The following HS6ST3 variants were observed in gnomAD, a reference collection of about 807,000 sequenced individuals.
HS6ST3 encodes heparan-sulfate 6-O-sulfotransferase 3.
HS6ST3 carries 12 observed loss-of-function variants against 36.7 expected under a neutral mutation model. The ratio of observed to expected loss-of-function variants is 0.33; its 90% confidence interval spans 0.21 to 0.53. HS6ST3 has a LOEUF of 0.53. HS6ST3 is among the 20% of genes least tolerant of loss of function. The probability of loss-of-function intolerance (pLI) is 0.95; values close to 1 mark genes in which losing one functional copy is unlikely to be tolerated. For missense variants in HS6ST3, 584 were observed against 640.9 expected (o/e 0.91, Z 0.96); for synonymous variants, 240 against 257.5 (o/e 0.93, Z 0.65).
chr13:96,262,061 G>C (rs1241288032), intron 1 of HS6ST3, among the ~76,000 whole-genome samples: 1 of 152,100 alleles, frequency 6.6e-6, no homozygotes, highest in Non-Finnish European at 1.5e-5. Flanking sequence ...GTGTTTATCT[G>C]GGATGAATGA....
chr13:96,344,290 T>C (rs781395971), intron 1 of HS6ST3, among the ~76,000 whole-genome samples: 1 of 152,202 alleles, frequency 6.6e-6, no homozygotes, highest in African/African-American at 2.4e-5. Flanking sequence ...TTCTTATTCA[T>C]AAATTTCACT....
At chr13:96,568,269 C>T (rs751260547) in intron 1 of HS6ST3, among the ~76,000 whole-genome samples, 2 of 152,074 alleles carry the variant, frequency 1.3e-5, no homozygotes, top group Non-Finnish European at 2.9e-5. Context: ...TCATTTGGCT[C>T]TCTGAATCTT....
intron 1 of HS6ST3, among the ~76,000 whole-genome samples, chr13:96,580,141 A>AT (rs554895299): frequency 1.3e-5 from 2 of 149,658 alleles, no homozygotes; most frequent in Non-Finnish European, 3.0e-5. Flanking sequence ...ACTGAGGAAT[A>AT]TTTTTTTTCT....
chr13:96,633,009 C>A (rs2056537061), intron 1 of HS6ST3, among the ~76,000 whole-genome samples: 1 of 152,164 alleles, frequency 6.6e-6, no homozygotes, highest in Non-Finnish European at 1.5e-5. Context: ...GTAATCAGAA[C>A]CTCTTCTAAT....
chr13:96,228,345 G>T (rs1027205340), intron 1 of HS6ST3, among the ~76,000 whole-genome samples: 2 of 152,184 alleles, frequency 1.3e-5, no homozygotes, highest in Non-Finnish European at 2.9e-5. Flanking sequence ...TGCAACCTCT[G>T]CCACCTGTGT....
At chr13:96,745,974 G>T (rs956530792) in intron 1 of HS6ST3, among the ~76,000 whole-genome samples, 2 of 151,860 alleles carry the variant, frequency 1.3e-5, no homozygotes, top group Non-Finnish European at 2.9e-5. Flanking sequence ...TTTCTGATTG[G>T]TTTTTCTAAT....
Position 96,818,433 on chromosome 13 carries a change from T to C in HS6ST3, c.708-14057T>C, listed in dbSNP as rs528187054. Among the ~76,000 whole-genome samples, 12 of 152,288 alleles carry C rather than the reference T, an allele frequency of 7.9e-5. No individual in the cohort carries two copies. In the East Asian group the frequency reaches 2.3e-3, roughly 29 times the overall value. On this transcript the variant is annotated intron_variant, in intron 1 of 1. Transcript: ENST00000376705. ...CCAGCATAATTTGGTTTTCCCTAGATTAGTTTATGGACTGACACTGGCCTC... is the reference window on the plus strand; with the variant it reads ...CCAGCATAATTTGGTTTTCCCTAGACTAGTTTATGGACTGACACTGGCCTC...
chr13:96,151,872 G>GC (rs1594695773), intron 1 of HS6ST3, among the ~76,000 whole-genome samples: 1 of 152,200 alleles, frequency 6.6e-6, no homozygotes, highest in East Asian at 1.9e-4. Flanking sequence ...CCTCTTTCCT[G>GC]CATGTCTCTC....
intron 1 of HS6ST3, among the ~76,000 whole-genome samples, chr13:96,158,524 A>T (rs1250151129): frequency 1.3e-5 from 2 of 151,806 alleles, no homozygotes; most frequent in East Asian, 3.9e-4. Flanking sequence ...ATGGTGGTAC[A>T]TGCCTGTAGT....
chr13:96,629,974 G>A (rs924095469), intron 1 of HS6ST3, among the ~76,000 whole-genome samples: 1 of 151,396 alleles, frequency 6.6e-6, no homozygotes, highest in Non-Finnish European at 1.5e-5. Flanking sequence ...GATTACTTCA[G>A]GTTCATTAAT....
chr13:96,225,370 A>C (rs2054475464), intron 1 of HS6ST3, among the ~76,000 whole-genome samples: 1 of 152,260 alleles, frequency 6.6e-6, no homozygotes. Flanking sequence ...AATAATTTCC[A>C]AAGTCCACAA....
At chr13:96,789,183 T>A (rs1328359433) in intron 1 of HS6ST3, among the ~76,000 whole-genome samples, 1 of 151,908 alleles carries the variant, frequency 6.6e-6, no homozygotes, top group African/African-American at 2.4e-5. Flanking sequence ...TCTCTTTGTA[T>A]TGATTTTTAG....
chr13:96,498,914 AC>A (rs1460169037), intron 1 of HS6ST3, among the ~76,000 whole-genome samples: 1 of 152,224 alleles, frequency 6.6e-6, no homozygotes, highest in African/African-American at 2.4e-5. Flanking sequence ...TCCAGGTACA[AC>A]AGAATATGTT....
At chr13:96,291,495 G>A (rs1162753263) in intron 1 of HS6ST3, among the ~76,000 whole-genome samples, 2 of 152,134 alleles carry the variant, frequency 1.3e-5, no homozygotes, top group Admixed American at 6.6e-5. Flanking sequence ...TGCTAGTGTG[G>A]AAAGATGAAG....
At chr13:96,528,308 A>G (rs2056122173) in intron 1 of HS6ST3, among the ~76,000 whole-genome samples, 1 of 152,198 alleles carries the variant, frequency 6.6e-6, no homozygotes, top group African/African-American at 2.4e-5. Flanking sequence ...CATTTTCTCA[A>G]AAATGAACTT....
At chr13:96,187,807 T>C (rs928872331) in intron 1 of HS6ST3, among the ~76,000 whole-genome samples, 1 of 152,202 alleles carries the variant, frequency 6.6e-6, no homozygotes, top group Non-Finnish European at 1.5e-5. Context: ...GCAACTTCTT[T>C]ATCTGGCCAG....
intron 1 of HS6ST3, among the ~76,000 whole-genome samples, chr13:96,384,347 G>A (rs1250473139): frequency 2.7e-5 from 4 of 150,708 alleles, no homozygotes; most frequent in Admixed American, 6.6e-5. Context: ...CCTTACTTGC[G>A]GCAAATCTTA....
chr13:96,783,314 A>G (rs1160075197), intron 1 of HS6ST3, among the ~76,000 whole-genome samples: 2 of 152,034 alleles, frequency 1.3e-5, no homozygotes, highest in Non-Finnish European at 2.9e-5. Context: ...TTACTTCTCA[A>G]TCTATTAGGG....
intron 1 of HS6ST3, among the ~76,000 whole-genome samples, chr13:96,157,533 A>G (rs759356911): frequency 1.1e-4 from 17 of 152,180 alleles, no homozygotes; most frequent in Non-Finnish European, 1.9e-4. Context: ...ATAATTTGTC[A>G]TTTTGGACTT....
Sources: gnomAD v4.1 joint callset for allele counts (sites outside exome capture counted in the v4.1 genomes callset) on GRCh38, gnomAD v4.1.1 for gene constraint, MANE v1.5 for transcripts, NCBI Gene and HGNC (gene_info 2026-07-23, HGNC 2026-07-21) for gene names.